FREM1: variants seen among roughly 807,000 people sequenced by gnomAD.
The protein encoded by FREM1 is FRAS1-related extracellular matrix protein 1.
In FREM1, 220 loss-of-function variants were observed where a neutral mutation model predicts 210.1. The ratio of observed to expected loss-of-function variants is 1.05; its 90% confidence interval spans 0.94 to 1.17. FREM1 has a LOEUF of 1.17. Ranked by LOEUF, FREM1 falls within the 50% of genes most tolerant of loss-of-function variation. The pLI is 0.00. For synonymous variants in FREM1, 1,189 were observed against 980.2 expected (o/e 1.21, Z -3.98); for missense variants, 3,454 against 2,675.5 (o/e 1.29, Z -6.42).
rs1332805 is a variant in FREM1 at position 14,824,288 on chromosome 9, A to G, written c.2079-173T>C. On this transcript the variant is annotated intron_variant, in intron 11 of 36. Transcript: ENST00000380880. ...TAGCATTAAGTCCAGTTTCATCAAC[A>G]TCATCCTTGTCATGACTGCAAAAGG... 0.6 allele frequency among the ~76,000 whole-genome samples: 90,563 copies of G among 152,012 alleles called. 27,407 individuals carry two copies. The highest frequency in any genetic ancestry group is 0.84 in the East Asian group (4,344 of 5,164).
chr9:14,849,455 T>C (rs1827265141), intron 6 of FREM1, among the ~76,000 whole-genome samples: 1 of 152,250 alleles, frequency 6.6e-6, no homozygotes, highest in African/African-American at 2.4e-5. Context: ...TATTATGTGC[T>C]GTGTATGTAT....
intron 1 of FREM1, among the ~76,000 whole-genome samples, chr9:14,884,898 T>C (rs1588586414): frequency 7.1e-6 from 1 of 139,980 alleles, no homozygotes. Context: ...TATCAAGATA[T>C]CAATAATTCA....
chr9:14,738,484 G>T (rs1840814966), intron 36 of FREM1, among the ~76,000 whole-genome samples: 1 of 152,166 alleles, frequency 6.6e-6, no homozygotes, highest in Non-Finnish European at 1.5e-5. Flanking sequence ...CATATTGTGA[G>T]GACAGAGCCT....
chr9:14,793,823 T>C (rs1851849012), intron 21 of FREM1, among the ~76,000 whole-genome samples: 1 of 152,184 alleles, frequency 6.6e-6, no homozygotes, highest in South Asian at 2.1e-4. Context: ...AACACCTCAG[T>C]TCCAACAACT....
intron 28 of FREM1, among the ~76,000 whole-genome samples, chr9:14,758,904 C>A (rs572728508): frequency 6.6e-6 from 1 of 152,210 alleles, no homozygotes; most frequent in South Asian, 2.1e-4. Context: ...TTCAGGGTGC[C>A]TGTATTAGTA....
chr9:14,791,637 A>G (rs1161496886), intron 22 of FREM1, among the ~76,000 whole-genome samples: 1 of 152,160 alleles, frequency 6.6e-6, no homozygotes, highest in Non-Finnish European at 1.5e-5. Flanking sequence ...TCGTCTTTTA[A>G]GTTCATGTCA....
At chr9:14,737,870 T>G (rs1317227185) in intron 36 of FREM1, among the ~76,000 whole-genome samples, 1 of 152,160 alleles carries the variant, frequency 6.6e-6, no homozygotes, top group Non-Finnish European at 1.5e-5. Flanking sequence ...GGCATAAAAA[T>G]AGTACATCTA....
intron 3 of FREM1, among the ~76,000 whole-genome samples, chr9:14,861,305 A>G (rs1830474116): frequency 9.3e-6 from 1 of 107,818 alleles, no homozygotes; most frequent in Non-Finnish European, 1.7e-5. Context: ...ATATATACAC[A>G]TATATACATA....
chr9:14,869,185 C>T lies in FREM1; in HGVS notation c.-208G>A, dbSNP rs1250488418. ...CAATCCCAGGGCTTTTAATAAAACTCGCTGATCACTCCTGACAACGCCGGC... is the reference window on the plus strand; with the variant it reads ...CAATCCCAGGGCTTTTAATAAAACTTGCTGATCACTCCTGACAACGCCGGC... On this transcript the variant is annotated 5_prime_UTR_variant, in exon 2 of 37. Coordinates refer to ENST00000380880, the MANE Select transcript of FREM1 (RefSeq NM_001379081.2). 4 of 510,820 alleles carry T rather than the reference C, an allele frequency of 7.8e-6. No individual in the cohort carries two copies. The highest frequency in any genetic ancestry group is 1.4e-5 in the Non-Finnish European group (4 of 287,692). The allele number at this position is 510,820 out of a possible 1,614,324, so 31.6% of individuals were successfully genotyped here.
chr9:14,763,168 T>C (rs1845806663), intron 27 of FREM1, among the ~76,000 whole-genome samples: 1 of 152,188 alleles, frequency 6.6e-6, no homozygotes, highest in Admixed American at 6.5e-5. Context: ...AGCCTCTAAG[T>C]CAGGCTTTCC....
chr9:14,860,763 A>ACATATATT (rs1829862421), intron 3 of FREM1, among the ~76,000 whole-genome samples: 1 of 104,764 alleles, frequency 9.5e-6, no homozygotes, highest in African/African-American at 4.4e-5. Context: ...ATATATATGC[A>ACATATATT]CATATATACA....
chr9:14,878,808 C>T (rs1007379844), intron 1 of FREM1, among the ~76,000 whole-genome samples: 1 of 152,014 alleles, frequency 6.6e-6, no homozygotes, highest in African/African-American at 2.4e-5. Flanking sequence ...CTTAAATTCC[C>T]TTATACTGAT....
rs755987085 is a variant in FREM1, at chr9:14,797,591, A to C, written c.3746T>G (p.Phe1249Cys). ...TTTCCCATCTGACAATTGGATTGTA[A>C]AATCATCAGCAAGGCTCTCTGAGTC... ...HDDSESLADD[F>C]TIQLSDGKHK... Residue 1249 changes from phenylalanine (F) to cysteine (C), a missense_variant, in exon 21 of 37, where the codon TTT (phenylalanine) becomes TGT (cysteine). Physicochemically the swap from Phe to Cys is radical, Grantham distance 205 (BLOSUM62 -2). Transcript: ENST00000380880. 22 of 1,612,450 alleles carry C rather than the reference A, an allele frequency of 1.4e-5. No homozygotes were observed. The highest frequency in any genetic ancestry group is 1.8e-5 in the Non-Finnish European group (21 of 1,178,932).
chr9:14,876,738 G>C (rs1163085809), intron 1 of FREM1, among the ~76,000 whole-genome samples: 1 of 152,166 alleles, frequency 6.6e-6, no homozygotes, highest in Non-Finnish European at 1.5e-5. Context: ...CGGTACCTCA[G>C]ATGGAAATAC....
At chr9:14,888,917 GA>G (rs746389675) in intron 1 of FREM1, among the ~76,000 whole-genome samples, 12 of 151,786 alleles carry the variant, frequency 7.9e-5, no homozygotes, top group Admixed American at 2.0e-4. Flanking sequence ...GAAACATATA[GA>G]AAAAAAATAT....
At chr9:14,879,407 C>G (rs1312455045) in intron 1 of FREM1, among the ~76,000 whole-genome samples, 1 of 151,974 alleles carries the variant, frequency 6.6e-6, no homozygotes, top group Non-Finnish European at 1.5e-5. Context: ...CACCTCCAGT[C>G]AAACACCGAA....
intron 8 of FREM1, 89 bp downstream of exon 8, chr9:14,845,871 A>C: frequency 4.5e-6 from 6 of 1,329,712 alleles, no homozygotes; most frequent in Admixed American, 2.2e-5. Context: ...ATTGGGCCCA[A>C]GAGATGCTAC....
In FREM1 at chr9:14,805,486, T is replaced by C. The variant is rs769706257; in HGVS notation, c.3275-334A>G. Among the ~76,000 whole-genome samples the C allele has an allele frequency of 1.8e-4, 28 of 152,372 alleles. 1 individual carries two copies. The highest frequency in any genetic ancestry group is 6.8e-3 in the Middle Eastern group (2 of 294). On this transcript the variant is annotated intron_variant, in intron 18 of 36. Coordinates refer to ENST00000380880, the MANE Select transcript of FREM1 (RefSeq NM_001379081.2). ...GATTAAATGACTACTTTTGCATGAA[T>C]AGTCTCTGTCACACTTGAGTATAAA...
chr9:14,801,747 C>G lies in FREM1; in HGVS notation c.3599G>C (p.Gly1200Ala). Residue 1200 changes from glycine to alanine, a missense_variant, in exon 20 of 37, where the codon GGG (glycine) becomes GCG (alanine). By Grantham distance (60) the Gly-to-Ala change is moderately conservative. Coordinates refer to ENST00000380880, the MANE Select transcript of FREM1 (RefSeq NM_001379081.2). Reference sequence around the variant, plus strand: ...ATTCTCAGAGAAGTCTTTGCTAAACCCCCTATCGATGAGGAGGCCATGGCG... The same window carrying G: ...ATTCTCAGAGAAGTCTTTGCTAAACGCCCTATCGATGAGGAGGCCATGGCG... Reference protein sequence around the residue: ...KPRHGLLIDRGFSKDFSENKQ... With the variant: ...KPRHGLLIDRAFSKDFSENKQ... The G allele has an allele frequency of 6.2e-7, 1 of 1,613,900 alleles. No individual in the cohort carries two copies. The highest frequency in any genetic ancestry group is 1.1e-5 in the South Asian group (1 of 91,072).
Sources: gnomAD v4.1 joint callset for allele counts (sites outside exome capture counted in the v4.1 genomes callset) on GRCh38, gnomAD v4.1.1 for gene constraint, MANE v1.5 for transcripts, NCBI Gene and HGNC (gene_info 2026-07-23, HGNC 2026-07-21) for gene names.